Variants in LYPD8 observed in about 807,000 individuals in gnomAD.
LYPD8 encodes the protein ly6/PLAUR domain-containing protein 8.
Under a neutral mutation model 1.7 loss-of-function variants are expected in LYPD8, and 8 were observed. The ratio of observed to expected loss-of-function variants is 4.58; its 90% confidence interval spans 2.69 to 8.27. The LOEUF (loss-of-function observed/expected upper bound fraction) is 8.27, where lower values mean the gene tolerates loss of function less well. Among genes scored for constraint, LYPD8 ranks in the 30% most tolerant of loss-of-function variants. The pLI is 0.00. For synonymous variants in LYPD8, 50 were observed against 43.6 expected (o/e 1.15, Z -0.58); for missense variants, 112 against 102.3 (o/e 1.09, Z -0.41).
intron 6 of LYPD8, among the ~76,000 whole-genome samples, chr1:248,744,768 A>G (rs1662701779): frequency 6.6e-6 from 1 of 152,230 alleles, no homozygotes; most frequent in South Asian, 2.1e-4. Context: ...AGTGACAACT[A>G]GAGAATAAAA....
chr1:248,754,307 A>G (rs1332444428), intron 2 of LYPD8, among the ~76,000 whole-genome samples: 1 of 151,588 alleles, frequency 6.6e-6, no homozygotes, highest in African/African-American at 2.4e-5. Flanking sequence ...CATCACACAT[A>G]CTACACACAT....
intron 6 of LYPD8, among the ~76,000 whole-genome samples, chr1:248,742,953 G>A (rs1662641166): frequency 1.6e-5 from 2 of 128,794 alleles, no homozygotes; most frequent in Non-Finnish European, 3.3e-5. Context: ...TTGGCAGCCG[G>A]GGGAGATTAT....
At chr1:248,750,233 A>T (rs1316782431) in intron 4 of LYPD8, among the ~76,000 whole-genome samples, 1 of 152,202 alleles carries the variant, frequency 6.6e-6, no homozygotes, top group Middle Eastern at 3.2e-3. Flanking sequence ...TTTAACTAAG[A>T]GCTGTCCTTG....
chr1:248,741,100 C>T lies in LYPD8; in HGVS notation c.476-1251G>A, dbSNP rs111438691. Among the ~76,000 whole-genome samples, 536 of 151,698 alleles carry T rather than the reference C, an allele frequency of 3.5e-3. 7 individuals carry two copies. Among genetic ancestry groups the T allele is most frequent in the South Asian group, 0.024 (118 of 4,828 alleles). ...CTGCATTCCGGCCCGGGCGACAGAG[C>T]GAGACCCTGTCTTGAACAGCAACAA... On this transcript the variant is annotated intron_variant, in intron 6 of 6. Transcript: ENST00000590317.
chr1:248,740,411 A>G (rs1553283196), intron 6 of LYPD8, among the ~76,000 whole-genome samples: 4 of 152,224 alleles, frequency 2.6e-5, no homozygotes, highest in Non-Finnish European at 4.4e-5. Flanking sequence ...GGGTTCTGCT[A>G]TGTTTAATCG....
chr1:248,752,954 ACCAAACACC>A (rs1572156433), intron 2 of LYPD8, among the ~76,000 whole-genome samples: 1 of 119,120 alleles, frequency 8.4e-6, no homozygotes, highest in African/African-American at 3.4e-5. Context: ...TCACACACAC[ACCAAACACC>A]CCACACAACA....
At chr1:248,753,476 A>G (rs1280790572) in intron 2 of LYPD8, among the ~76,000 whole-genome samples, 1 of 127,490 alleles carries the variant, frequency 7.8e-6, no homozygotes, top group Non-Finnish European at 1.6e-5. Context: ...AACACACCAC[A>G]TCACACACAC....
At chr1:248,743,438 C>G (rs1426200982) in intron 6 of LYPD8, among the ~76,000 whole-genome samples, 3 of 152,162 alleles carry the variant, frequency 2.0e-5, no homozygotes, top group Non-Finnish European at 2.9e-5. Flanking sequence ...GCACTCCAGC[C>G]TGGGCGACAG....
At chr1:248,743,475 A>T (rs1662659129) in intron 6 of LYPD8, among the ~76,000 whole-genome samples, 1 of 152,232 alleles carries the variant, frequency 6.6e-6, no homozygotes, top group South Asian at 2.1e-4. Context: ...AAAAAACCAA[A>T]AAGACAACAA....
chr1:248,750,922 G>T (rs930998489), intron 3 of LYPD8, 108 bp downstream of exon 3: 26 of 398,340 alleles, frequency 6.5e-5, no homozygotes, highest in African/African-American at 4.7e-4. Flanking sequence ...GGTCATCCCT[G>T]ACCATAATTT....
At chr1:248,750,882 T>G (rs1457890266) in intron 3 of LYPD8, 148 bp downstream of exon 3, 1 of 397,724 alleles carries the variant, frequency 2.5e-6, no homozygotes, top group Non-Finnish European at 4.4e-6. Flanking sequence ...GAGTGGCCCC[T>G]TCAAAGCAGG....
At chr1:248,753,731 C>G (rs1283265675) in intron 2 of LYPD8, among the ~76,000 whole-genome samples, 1 of 148,176 alleles carries the variant, frequency 6.7e-6, no homozygotes, top group African/African-American at 2.5e-5. Flanking sequence ...TCACACCACA[C>G]ACACCACAGC....
chr1:248,748,502 T>C, intron 4 of LYPD8, 49 bp from the exon 5 acceptor site: 1 of 399,844 alleles, frequency 2.5e-6, no homozygotes, highest in Non-Finnish European at 4.4e-6. Flanking sequence ...GGAGGAGGTG[T>C]GGGGAGGGTG....
At position 248,739,885 on chromosome 1, in the gene LYPD8, A is replaced by G; in HGVS notation, c.476-36T>C. ...AAAGGAGACAGGAGGGACGCCACTC[A>G]GTCCTTTGTCCTTCCACCCACGCCT... On this transcript the variant is annotated intron_variant, in intron 6 of 6. Coordinates refer to ENST00000590317, the MANE Select transcript of LYPD8 (RefSeq NM_001085474.2). This position sits in a 1 kb window ranked among gnomAD's most constrained non-coding sequence, Gnocchi z 4.3. 1 of 1,550,612 alleles carries G rather than the reference A, an allele frequency of 6.4e-7. No individual in the cohort carries two copies. Among genetic ancestry groups the G allele is most frequent in the Non-Finnish European group, 8.7e-7 (1 of 1,146,690 alleles).
intron 6 of LYPD8, among the ~76,000 whole-genome samples, chr1:248,743,161 A>C (rs72770916): frequency 0.11 from 16,836 of 152,176 alleles, 1,201 homozygotes; most frequent in East Asian, 0.18. Flanking sequence ...TATTTAAAAA[A>C]AAACAGTATA....
intron 2 of LYPD8, among the ~76,000 whole-genome samples, chr1:248,753,447 C>A (rs1410195859): frequency 1.5e-5 from 2 of 131,310 alleles, no homozygotes; most frequent in African/African-American, 2.9e-5. Flanking sequence ...ACACAACACA[C>A]ACAACACACA....
chr1:248,752,035 C>T (rs888541777), intron 2 of LYPD8, among the ~76,000 whole-genome samples: 8 of 152,242 alleles, frequency 5.3e-5, no homozygotes, highest in East Asian at 3.9e-4. Context: ...AGGTGTGTGG[C>T]TCTGGCCTGA....
intron 2 of LYPD8, among the ~76,000 whole-genome samples, chr1:248,753,890 CCA>C (rs1662881413): frequency 1.3e-5 from 2 of 150,436 alleles, no homozygotes; most frequent in African/African-American, 2.5e-5. Flanking sequence ...CACACACACA[CCA>C]CACATCACAT....
At chr1:248,752,847 A>ACAC (rs2103172833) in intron 2 of LYPD8, among the ~76,000 whole-genome samples, 1,392 of 111,440 alleles carry the variant, frequency 0.012, 102 homozygotes, top group East Asian at 0.024. Flanking sequence ...CCCCACACAC[A>ACAC]CACACCACAC....
Sources: gnomAD v4.1 joint callset for allele counts (sites outside exome capture counted in the v4.1 genomes callset) on GRCh38, gnomAD v4.1.1 for gene constraint, Gnocchi (gnomAD v3.1) non-coding constraint, MANE v1.5 for transcripts, NCBI Gene and HGNC (gene_info 2026-07-23, HGNC 2026-07-21) for gene names.